ELAPOR1: variants seen among roughly 807,000 people sequenced by gnomAD.
The protein encoded by ELAPOR1 is endosome/lysosome-associated apoptosis and autophagy regulator 1.
ELAPOR1 carries 77 observed loss-of-function variants against 119.7 expected under a neutral mutation model. The ratio of observed to expected loss-of-function variants is 0.64; its 90% CI spans 0.54 to 0.78. The LOEUF is 0.78. Ranked by LOEUF, ELAPOR1 falls within the 30% of genes least tolerant of loss-of-function variation. The pLI is 0.00. For synonymous variants in ELAPOR1, 481 were observed against 487.2 expected (o/e 0.99, Z 0.17); for missense variants, 1,115 against 1,270.4 (o/e 0.88, Z 1.86).
At position 109,189,738 on chromosome 1, in the gene ELAPOR1, A is replaced by G. The variant is rs1047834791; in HGVS notation, c.1439+56A>G. ...GCCAGCTTGGCCATATCCGAATCCC[A>G]CGTATTTTGGAATATTGTAGAGGAG... On this transcript the variant is annotated intron_variant, in intron 11 of 21. Coordinates refer to ENST00000369939, the MANE Select transcript of ELAPOR1 (RefSeq NM_020775.5). The G allele has an allele frequency of 5.8e-6, 8 of 1,385,148 alleles. No homozygotes were observed. In the African/African-American group the frequency reaches 9.9e-5, roughly 17 times the overall value. The allele number at this position is 1,385,148 out of a possible 1,614,324, so 85.8% of individuals were successfully genotyped here. A position where few individuals can be genotyped will look rare whatever the true frequency, so the allele number is the denominator to read the frequency against.
At chr1:109,115,325 T>A (rs987954678) in intron 1 of ELAPOR1, among the ~76,000 whole-genome samples, 3 of 152,220 alleles carry the variant, frequency 2.0e-5, no homozygotes. Flanking sequence ...TTCTGTGAAA[T>A]GTGAAGGACT....
In ELAPOR1 at chr1:109,200,253, T is replaced by C. The variant is rs753717413; in HGVS notation, c.2807+16T>C. 23 of 1,610,962 alleles carry C rather than the reference T, an allele frequency of 1.4e-5. No individual in the cohort carries two copies. Among genetic ancestry groups the C allele is most frequent in the South Asian group, 8.8e-5 (8 of 91,034 alleles). On this transcript the variant is annotated intron_variant, in intron 20 of 21. Coordinates refer to ENST00000369939, the MANE Select transcript of ELAPOR1 (RefSeq NM_020775.5). The stretch of plus-strand genomic sequence containing the variant: ...AGAATCAAAAGTACATGTTGCGGTA[T>C]TGGAGTGTGGGGATGGACAGGGTTG...
chr1:109,186,729 C>T (rs1653074795), intron 8 of ELAPOR1: 4 of 985,432 alleles, frequency 4.1e-6, no homozygotes, highest in South Asian at 4.7e-5. Flanking sequence ...CTGCTCTTCT[C>T]CCTCCTGTTC....
At chr1:109,177,966 C>A (rs576323652) in intron 7 of ELAPOR1, among the ~76,000 whole-genome samples, 3 of 151,584 alleles carry the variant, frequency 2.0e-5, no homozygotes, top group Admixed American at 6.6e-5. Flanking sequence ...ACTGATTTCT[C>A]AATGTGCCCC....
chr1:109,172,085 C>T, intron 4 of ELAPOR1, 72 bp downstream of exon 4: 4 of 1,536,952 alleles, frequency 2.6e-6, no homozygotes, highest in Non-Finnish European at 3.6e-6. Flanking sequence ...TTGAGGAATC[C>T]ATCATGAGTG....
intron 1 of ELAPOR1, among the ~76,000 whole-genome samples, chr1:109,160,636 C>T (rs1285461536): frequency 1.3e-5 from 2 of 152,152 alleles, no homozygotes; most frequent in Non-Finnish European, 2.9e-5. Context: ...AGCTCCTTGA[C>T]GTTATACATG....
At chr1:109,144,059 A>ATTTTTTTTTTTTTTT (rs1243626258) in intron 1 of ELAPOR1, among the ~76,000 whole-genome samples, 5 of 34,408 alleles carry the variant, frequency 1.5e-4, no homozygotes, top group Non-Finnish European at 2.1e-4. Context: ...ATATATTTAT[A>ATTTTTTTTTTTTTTT]TATTTTTTTT....
intron 1 of ELAPOR1, among the ~76,000 whole-genome samples, chr1:109,137,718 G>A (rs754965825): frequency 3.3e-5 from 5 of 150,868 alleles, no homozygotes; most frequent in Non-Finnish European, 5.9e-5. Flanking sequence ...AGTAGAGACG[G>A]GGTTTCTCCA....
chr1:109,167,199 T>C (rs1218916631), intron 3 of ELAPOR1, among the ~76,000 whole-genome samples: 2 of 152,128 alleles, frequency 1.3e-5, no homozygotes, highest in African/African-American at 2.4e-5. Context: ...CCTACCCATG[T>C]AAAGGAAGGA....
At chr1:109,171,801 G>C (rs1335231492) in intron 3 of ELAPOR1, 65 bp from the exon 4 acceptor site, 3 of 1,552,830 alleles carry the variant, frequency 1.9e-6, no homozygotes, top group Non-Finnish European at 2.6e-6. Flanking sequence ...CATGAGACCT[G>C]CACATGGCAC....
intron 3 of ELAPOR1, 97 bp downstream of exon 3, chr1:109,164,788 A>C: frequency 8.1e-7 from 1 of 1,239,722 alleles, no homozygotes; most frequent in Non-Finnish European, 1.1e-6. Context: ...CAGGCTGGGC[A>C]GGGAGGATGG....
intron 1 of ELAPOR1, among the ~76,000 whole-genome samples, chr1:109,149,064 G>T (rs1276596529): frequency 2.0e-5 from 3 of 152,192 alleles, no homozygotes; most frequent in African/African-American, 7.2e-5. Flanking sequence ...GCTCTGGGGA[G>T]TTGCTAGGGG....
chr1:109,127,512 C>T (rs1021163300), intron 1 of ELAPOR1, among the ~76,000 whole-genome samples: 1 of 151,988 alleles, frequency 6.6e-6, no homozygotes, highest in Non-Finnish European at 1.5e-5. Context: ...CCGCACCCAG[C>T]CTTCAAATTC....
intron 9 of ELAPOR1, 122 bp downstream of exon 9, chr1:109,188,476 G>A (rs1336146654): frequency 1.8e-6 from 2 of 1,138,790 alleles, no homozygotes; most frequent in African/African-American, 1.6e-5. Context: ...AAGGAATAAG[G>A]ACCAGGCCAC....
chr1:109,114,968 CTT>C (rs1034737789), intron 1 of ELAPOR1, among the ~76,000 whole-genome samples: 1 of 152,302 alleles, frequency 6.6e-6, no homozygotes, highest in South Asian at 2.1e-4. Context: ...CACGACTCAC[CTT>C]TTTGCAGATT....
chr1:109,135,960 T>C (rs868606937), intron 1 of ELAPOR1, among the ~76,000 whole-genome samples: 3 of 152,330 alleles, frequency 2.0e-5, no homozygotes, highest in African/African-American at 7.2e-5. Flanking sequence ...ATTAATTTTA[T>C]TTCCTTCAAG....
At chr1:109,141,210 C>T (rs1649805391) in intron 1 of ELAPOR1, among the ~76,000 whole-genome samples, 1 of 151,996 alleles carries the variant, frequency 6.6e-6, no homozygotes, top group African/African-American at 2.4e-5. Context: ...AAAATATAAA[C>T]ATTACTTATT....
At chr1:109,124,674 C>T (rs1388858930) in intron 1 of ELAPOR1, among the ~76,000 whole-genome samples, 5 of 152,170 alleles carry the variant, frequency 3.3e-5, no homozygotes, top group Non-Finnish European at 7.4e-5. Flanking sequence ...ATTTTTACTT[C>T]TCATTAACCT....
intron 1 of ELAPOR1, among the ~76,000 whole-genome samples, chr1:109,155,276 C>T (rs1038656962): frequency 2.6e-5 from 4 of 151,910 alleles, no homozygotes; most frequent in East Asian, 1.9e-4. Context: ...CCCGGGTTCA[C>T]GCCATTCTCC....
Sources: gnomAD v4.1 joint callset for allele counts (sites outside exome capture counted in the v4.1 genomes callset) on GRCh38, gnomAD v4.1.1 for gene constraint, MANE v1.5 for transcripts, NCBI Gene and HGNC (gene_info 2026-07-23, HGNC 2026-07-21) for gene names.